CCL26: variants seen among roughly 807,000 people sequenced by gnomAD.
The protein encoded by CCL26 is C-C motif chemokine ligand 26.
CCL26 carries 10 observed loss-of-function variants against 10.7 expected under a neutral mutation model. The observed-to-expected ratio is 0.93, with a 90% CI of 0.57 to 1.58. CCL26 has a LOEUF of 1.58. Ranked by LOEUF, CCL26 falls within the 40% of genes most tolerant of loss-of-function variation. The pLI is 0.00. For synonymous variants in CCL26, 43 were observed against 41.4 expected (o/e 1.04, Z -0.15); for missense variants, 116 against 111.0 (o/e 1.05, Z -0.20).
At chr7:75,778,079 T>C (rs1386559239) in intron 1 of CCL26, among the ~76,000 whole-genome samples, 3 of 152,226 alleles carry the variant, frequency 2.0e-5, no homozygotes, top group Admixed American at 2.0e-4. Context: ...TGGGATGTAC[T>C]GGCACTCCTA....
rs368200577 is a variant in CCL26 at position 75,785,491 on chromosome 7, C to T, written c.-79+4226G>A. The stretch of plus-strand genomic sequence containing the variant: ...ATATCAGGTATCCCCCACAAAGCTC[C>T]AATTTCTTCTCCATCCATTACCTAC... On this transcript the variant is annotated intron_variant, in intron 1 of 3. Transcript: ENST00000394905. 1.2e-4 allele frequency among the ~76,000 whole-genome samples: 18 copies of T among 152,242 alleles called. No individual in the cohort carries two copies. In the South Asian group the frequency reaches 2.5e-3, roughly 21 times the overall value.
upstream of CCL26, among the ~76,000 whole-genome samples, chr7:75,776,227 A>G (rs544308597): frequency 1.3e-5 from 2 of 151,632 alleles, no homozygotes; most frequent in South Asian, 4.2e-4. Context: ...GCACACCACC[A>G]TGCCCGACTA....
At chr7:75,790,218 T>TCTTTCTCTCTTTCTTC (rs1554530641), upstream of CCL26, among the ~76,000 whole-genome samples, 1 of 66,802 alleles carries the variant, frequency 1.5e-5, no homozygotes, top group African/African-American at 5.6e-5. Context: ...TTTCTTTCTT[T>TCTTTCTCTCTTTCTTC]CTTCCTTCCT....
chr7:75,769,658 G>A lies in CCL26; in HGVS notation c.*35C>T, dbSNP rs1585007446. 3 of 1,386,558 alleles carry A rather than the reference G, an allele frequency of 2.2e-6. No individual in the cohort carries two copies. Among genetic ancestry groups the A allele is most frequent in the East Asian group, 4.6e-5 (2 of 43,760 alleles). The allele number at this position is 1,386,558 out of a possible 1,614,324, so 85.9% of individuals were successfully genotyped here. ...CCAGAGGGCTGCAGAGCCAAGAGCG[G>A]GGTCCAAGCGTCCTCGGATGAAAAT... On this transcript the variant is annotated 3_prime_UTR_variant, in exon 3 of 3. Transcript: ENST00000005180.
chr7:75,776,418 G>A (rs974230883), upstream of CCL26, among the ~76,000 whole-genome samples: 7 of 151,506 alleles, frequency 4.6e-5, no homozygotes, highest in African/African-American at 1.7e-4. Context: ...GCTCACTCCT[G>A]TAATCCTAGC....
upstream of CCL26, among the ~76,000 whole-genome samples, chr7:75,773,372 C>T (rs1443078348): frequency 1.3e-5 from 2 of 151,098 alleles, no homozygotes; most frequent in African/African-American, 2.4e-5. Flanking sequence ...TACAGTGAGC[C>T]GAGATCCCGC....
At chr7:75,774,435 C>T (rs1050240694), upstream of CCL26, among the ~76,000 whole-genome samples, 2 of 152,040 alleles carry the variant, frequency 1.3e-5, no homozygotes, top group Non-Finnish European at 2.9e-5. Flanking sequence ...AGGCATAAAC[C>T]GCCATGCCCA....
At position 75,769,559 on chromosome 7, in the gene CCL26, A is replaced by AG. The variant is rs2115626933; in HGVS notation, c.*133dup. ...CAACTCTATGAACAACCTTTATTAA[A>AG]GTAACTCTGGGAGGAAACACCCTCT... On this transcript the variant is annotated 3_prime_UTR_variant, in exon 3 of 3. Transcript: ENST00000005180. 1 of 578,264 alleles carries AG rather than the reference A, an allele frequency of 1.7e-6. No individual in the cohort carries two copies. The highest frequency in any genetic ancestry group is 3.1e-5 in the Admixed American group (1 of 32,652). The allele number at this position is 578,264 out of a possible 1,614,324, so 35.8% of individuals were successfully genotyped here. A position where few individuals can be genotyped will look rare whatever the true frequency, so the allele number is the denominator to read the frequency against.
intron 1 of CCL26, among the ~76,000 whole-genome samples, chr7:75,784,813 C>G (rs1293032548): frequency 6.6e-6 from 1 of 152,042 alleles, no homozygotes; most frequent in Non-Finnish European, 1.5e-5. Context: ...CCACCTTAAA[C>G]CACAAGTATA....
chr7:75,773,687 C>A (rs782770537), upstream of CCL26, among the ~76,000 whole-genome samples: 3 of 151,248 alleles, frequency 2.0e-5, no homozygotes, highest in Admixed American at 1.3e-4. Context: ...ATCAGCCTGG[C>A]GAACATGGTG....
chr7:75,782,745 C>G (rs930979119), intron 1 of CCL26, among the ~76,000 whole-genome samples: 2 of 152,090 alleles, frequency 1.3e-5, no homozygotes, highest in Non-Finnish European at 2.9e-5. Context: ...GGGCAAATGG[C>G]CTGAGGTGCC....
upstream of CCL26, among the ~76,000 whole-genome samples, chr7:75,773,965 C>G (rs1554528452): frequency 6.6e-6 from 1 of 152,128 alleles, no homozygotes; most frequent in East Asian, 1.9e-4. Flanking sequence ...CTTACTCCAG[C>G]CTCCCAAAGC....
chr7:75,780,345 C>G (rs1803035603), intron 1 of CCL26, among the ~76,000 whole-genome samples: 1 of 152,106 alleles, frequency 6.6e-6, no homozygotes, highest in South Asian at 2.1e-4. Flanking sequence ...TCTCTTTTCT[C>G]TGGGCTTGCC....
chr7:75,775,363 C>A (rs998342005), upstream of CCL26, among the ~76,000 whole-genome samples: 3 of 152,098 alleles, frequency 2.0e-5, no homozygotes, highest in African/African-American at 4.8e-5. Flanking sequence ...ATTTGAAGAT[C>A]GTTGTTTTTA....
chr7:75,788,705 G>T lies in CCL26; in HGVS notation c.-79+1012C>A, dbSNP rs560674148. ...CACACCACTGCACTCTAGTCTGGGCGACAGAGCAAGACTCCGTCCAAAAAA... is the reference window on the plus strand; with the variant it reads ...CACACCACTGCACTCTAGTCTGGGCTACAGAGCAAGACTCCGTCCAAAAAA... On this transcript the variant is annotated intron_variant, in intron 1 of 3. Coordinates refer to the CCL26 transcript ENST00000394905. Among the ~76,000 whole-genome samples, 8 of 147,852 alleles carry T rather than the reference G, an allele frequency of 5.4e-5. No homozygotes were observed. In the South Asian group the frequency reaches 1.7e-3, roughly 32 times the overall value.
upstream of CCL26, among the ~76,000 whole-genome samples, chr7:75,776,907 C>T (rs1802954158): frequency 6.6e-6 from 1 of 152,066 alleles, no homozygotes; most frequent in South Asian, 2.1e-4. Flanking sequence ...TATAATCGAG[C>T]AATTCCACTC....
upstream of CCL26, among the ~76,000 whole-genome samples, chr7:75,776,068 CTTTTTTT>C (rs534170968): frequency 4.6e-4 from 46 of 99,638 alleles, no homozygotes; most frequent in South Asian, 3.5e-4. Context: ...AGTTCACACT[CTTTTTTT>C]TTTTTTTTTT....
chr7:75,777,115 T>C (rs1355351019), upstream of CCL26, among the ~76,000 whole-genome samples: 1 of 151,976 alleles, frequency 6.6e-6, no homozygotes, highest in Non-Finnish European at 1.5e-5. Flanking sequence ...ACCTGTAATT[T>C]CAGCTACTCA....
chr7:75,777,549 A>G (rs1554528905), intron 1 of CCL26, among the ~76,000 whole-genome samples: 2 of 151,786 alleles, frequency 1.3e-5, no homozygotes, highest in Admixed American at 1.3e-4. Flanking sequence ...GTAGTTGGAG[A>G]CAAGCCTGGG....
Sources: allele counts gnomAD v4.1 joint callset (sites outside exome capture counted in the v4.1 genomes callset), GRCh38; gene constraint gnomAD v4.1.1; transcripts MANE v1.5; gene names NCBI Gene and HGNC (gene_info 2026-07-23, HGNC 2026-07-21).